KTN1: variants seen among roughly 807,000 people sequenced by gnomAD.
KTN1 encodes the protein kinectin.
KTN1 carries 130 observed loss-of-function variants against 222.5 expected under a neutral mutation model. That is an observed-to-expected ratio of 0.58 (90% CI 0.51 to 0.68). KTN1 has a LOEUF of 0.68. KTN1 is among the 30% of genes least tolerant of loss of function. The pLI is 0.00. For synonymous variants in KTN1, 512 were observed against 496.3 expected, an observed-to-expected ratio of 1.03 and a Z score of -0.42; for missense variants, 1,508 against 1,500.4, an observed-to-expected ratio of 1.01 and a Z score of -0.08.
At chr14:55,643,762 A>G (rs2042023037) in intron 18 of KTN1, among the ~76,000 whole-genome samples, 1 of 152,200 alleles carries the variant, frequency 6.6e-6, no homozygotes, top group Non-Finnish European at 1.5e-5. Context: ...ACCTTGAGAA[A>G]TGCCATTGTA....
At chr14:55,642,746 A>G (rs2041929002) in intron 18 of KTN1, among the ~76,000 whole-genome samples, 1 of 152,160 alleles carries the variant, frequency 6.6e-6, no homozygotes, top group South Asian at 2.1e-4. Context: ...TAACTTGTCA[A>G]GAAATAATCC....
intron 1 of KTN1, among the ~76,000 whole-genome samples, chr14:55,588,180 T>G (rs2033410424): frequency 6.6e-6 from 1 of 152,202 alleles, no homozygotes; most frequent in African/African-American, 2.4e-5. Context: ...TTATATGTAT[T>G]ATATACTGTA....
intron 18 of KTN1, among the ~76,000 whole-genome samples, chr14:55,644,989 G>A (rs12882850): frequency 0.36 from 53,967 of 151,930 alleles, 9,626 homozygotes; most frequent in South Asian, 0.41. Flanking sequence ...TGCTGAGGTT[G>A]CAGAGATGAA....
chr14:55,670,407 G>GT (rs1420744303), intron 34 of KTN1, among the ~76,000 whole-genome samples: 4 of 152,038 alleles, frequency 2.6e-5, no homozygotes, highest in African/African-American at 9.7e-5. Context: ...CCTGGTGCTA[G>GT]TAAGTGGTAG....
intron 5 of KTN1, among the ~76,000 whole-genome samples, chr14:55,620,724 C>T (rs1248639121): frequency 6.6e-6 from 1 of 152,110 alleles, no homozygotes; most frequent in Non-Finnish European, 1.5e-5. Context: ...GGGCCCTGGG[C>T]CCTGCTCAGG....
chr14:55,652,805 G>C, intron 25 of KTN1, 45 bp from the exon 26 acceptor site: 1 of 1,394,974 alleles, frequency 7.2e-7, no homozygotes, highest in Non-Finnish European at 9.9e-7. Context: ...GCTTTTTATG[G>C]TCATGTAACA....
In KTN1 at chr14:55,678,340, T is replaced by A. The variant is rs2141392640; in HGVS notation, c.3856-12T>A. The A allele has an allele frequency of 5.9e-6, 9 of 1,535,882 alleles. No homozygotes were observed. The highest frequency in any genetic ancestry group is 1.7e-4 in the Middle Eastern group (1 of 5,920). ...GTATTACTTAGTAGCTACCATATTG[T>A]TTTCCTTATAGGCTCAACAGTCACT... is the stretch of plus-strand genomic sequence containing the variant. On this transcript the variant is annotated splice_polypyrimidine_tract_variant and intron_variant, in intron 41 of 43. Coordinates refer to ENST00000395314, the MANE Select transcript of KTN1 (RefSeq NM_001079521.2).
chr14:55,619,946 C>T (rs1219631357), intron 5 of KTN1, among the ~76,000 whole-genome samples: 1 of 152,164 alleles, frequency 6.6e-6, no homozygotes, highest in East Asian at 1.9e-4. Flanking sequence ...TCCAAAGTCT[C>T]ATCCGAGACA....
At position 55,640,934 on chromosome 14, in the gene KTN1, C is replaced by T. The variant is rs541385064; in HGVS notation, c.1985C>T (p.Ala662Val). Residue 662 changes from alanine to valine, a missense_variant and splice_region_variant, in exon 16 of 44, where the codon GCT becomes GTT. Ala to Val is a moderately conservative substitution (Grantham distance 64, BLOSUM62 0). Transcript: ENST00000395314. ...QKLQALANEQ[A>V]AAAHELEKMQ... ...ATTTTCTTCTCATTCCACACACAGG[C>T]TGCTGCTGCACATGAATTGGAGAAG... is the stretch of plus-strand genomic sequence containing the variant. 1.9e-6 allele frequency: 3 copies of T among 1,611,298 alleles called. No individual in the cohort carries two copies. Among genetic ancestry groups the T allele is most frequent in the East Asian group, 4.5e-5 (2 of 44,786 alleles).
chr14:55,643,067 G>A (rs1024539301), intron 18 of KTN1, among the ~76,000 whole-genome samples: 3 of 152,044 alleles, frequency 2.0e-5, no homozygotes, highest in Non-Finnish European at 4.4e-5. Flanking sequence ...ATGCCACCAT[G>A]CTCCGCTGAT....
At chr14:55,652,258 A>G (rs2042993300) in intron 25 of KTN1, among the ~76,000 whole-genome samples, 1 of 152,126 alleles carries the variant, frequency 6.6e-6, no homozygotes. Context: ...ATTTGTTTGT[A>G]TTGACTTAAA....
In KTN1 at chr14:55,619,193, G is replaced by A. The variant is rs2274073; in HGVS notation, c.844G>A (p.Val282Met). The A allele has an allele frequency of 5.0e-6, 8 of 1,604,620 alleles. No individual in the cohort carries two copies. In the East Asian group the frequency reaches 1.1e-4, roughly 22 times the overall value. ...KTETDKENAE[V>M]KFKDFLLSLK... The stretch of plus-strand genomic sequence containing the variant: ...TTTTTCAAATTAAGAAAATGCTGAA[G>A]TGAAGTTTAAAGATTTTCTTCTGTC... Residue 282 changes from valine (V) to methionine (M), a missense_variant, in exon 5 of 44, where the codon GTG becomes ATG. Transcript: ENST00000395314.
intron 18 of KTN1, among the ~76,000 whole-genome samples, chr14:55,642,065 C>G (rs996012557): frequency 1.1e-4 from 17 of 152,154 alleles, no homozygotes; most frequent in Admixed American, 3.3e-4. Flanking sequence ...AGACTTGGAG[C>G]CTCAGCTTTT....
rs1399001801 is a variant in KTN1, at chr14:55,652,835, T to G, written c.2604-15T>G. 3 of 1,530,182 alleles carry G rather than the reference T, an allele frequency of 2.0e-6. No homozygotes were observed. The highest frequency in any genetic ancestry group is 2.7e-6 in the Non-Finnish European group (3 of 1,123,206). 94.8% of individuals were successfully genotyped at this position (1,530,182 alleles called of 1,614,324 possible). A position where few individuals can be genotyped will look rare whatever the true frequency, so the allele number is the denominator to read the frequency against. ...GTAACATTTTCATTTAGAGTTCTGA[T>G]TAATTTATTATCAGATTAAAAGGAA... On this transcript the variant is annotated splice_polypyrimidine_tract_variant and intron_variant, in intron 25 of 43. Coordinates refer to ENST00000395314, the MANE Select transcript of KTN1 (RefSeq NM_001079521.2).
intron 3 of KTN1, 43 bp from the exon 4 acceptor site, chr14:55,617,921 T>A: frequency 1.4e-6 from 2 of 1,397,010 alleles, no homozygotes. Flanking sequence ...TTACTCTGTT[T>A]TGTAAAAATT....
Position 55,656,035 on chromosome 14 carries a change from A to G in KTN1, c.2802-7A>G. ...TAGTTAATGCAGATCTTTGTAAAAAATTCTAGGTTGAAAGAAAAGGAAAAT... is the reference window on the plus strand; with the variant it reads ...TAGTTAATGCAGATCTTTGTAAAAAGTTCTAGGTTGAAAGAAAAGGAAAAT... On this transcript the variant is annotated splice_polypyrimidine_tract_variant and splice_region_variant and intron_variant, in intron 28 of 43. Coordinates refer to ENST00000395314, the MANE Select transcript of KTN1 (RefSeq NM_001079521.2). 3 of 1,571,372 alleles carry G rather than the reference A, an allele frequency of 1.9e-6. No individual in the cohort carries two copies. The highest frequency in any genetic ancestry group is 3.4e-4 in the Middle Eastern group (2 of 5,930).
At chr14:55,639,802 A>G in intron 13 of KTN1, 111 bp from the exon 14 acceptor site, 1 of 668,110 alleles carries the variant, frequency 1.5e-6, no homozygotes, top group Non-Finnish European at 2.7e-6. Flanking sequence ...ATAGAAATGG[A>G]AGGTATATGA....
rs758297520 is a variant in KTN1 at position 55,627,930 on chromosome 14, A to G, written c.982A>G (p.Thr328Ala). ...ATTGCAGTCAAGTAAGGGAGAATTG[A>G]CTACGCTTATACATCAGCTTCAAGA... ...ALKKSSKGELTTLIHQLQEKD... is the reference protein window; with the variant it reads ...ALKKSSKGELATLIHQLQEKD... The change falls in exon 6 of 44, where the codon ACT (threonine) becomes GCT (alanine). Residue 328 changes from threonine (T) to alanine (A), a missense_variant. Physicochemically the swap from Thr to Ala is moderately conservative, Grantham distance 58. Transcript: ENST00000395314. 3.7e-6 allele frequency: 6 copies of G among 1,610,180 alleles called. No homozygotes were observed. In the South Asian group the frequency reaches 6.6e-5, roughly 18 times the overall value.
intron 1 of KTN1, among the ~76,000 whole-genome samples, chr14:55,597,519 G>A (rs187854955): frequency 6.6e-6 from 1 of 152,282 alleles, no homozygotes. Flanking sequence ...TTCTTAAATA[G>A]CAATGATAGG....
Sources: allele counts gnomAD v4.1 joint callset (sites outside exome capture counted in the v4.1 genomes callset), GRCh38; gene constraint gnomAD v4.1.1; transcripts MANE v1.5; gene names NCBI Gene and HGNC (gene_info 2026-07-23, HGNC 2026-07-21).